The following UNC5D variants were observed in gnomAD, a reference collection of about 807,000 sequenced individuals.
UNC5D encodes unc-5 netrin receptor D.
UNC5D carries 39 observed loss-of-function variants against 105.4 expected under a neutral mutation model. The observed-to-expected ratio is 0.37, with a 90% CI of 0.29 to 0.48. UNC5D has a LOEUF of 0.48. Among genes scored for constraint, UNC5D ranks in the 20% least tolerant of loss-of-function variants. The pLI, the probability that UNC5D is intolerant of heterozygous loss-of-function variation, is 0.98. For missense variants in UNC5D, 991 were observed against 1,202.4 expected (o/e 0.82, Z 2.60); for synonymous variants, 452 against 450.4 (o/e 1.00, Z -0.04).
At chr8:35,426,899 A>G (rs1806291243) in intron 1 of UNC5D, among the ~76,000 whole-genome samples, 1 of 152,188 alleles carries the variant, frequency 6.6e-6, no homozygotes, top group Admixed American at 6.5e-5. Context: ...CATTTACCAA[A>G]TTAAAAGCAC....
chr8:35,548,296 G>A (rs1345995784), intron 1 of UNC5D, among the ~76,000 whole-genome samples: 1 of 152,128 alleles, frequency 6.6e-6, no homozygotes, highest in East Asian at 1.9e-4. Flanking sequence ...GACTGGTTTG[G>A]TCTCAATGGG....
intron 1 of UNC5D, among the ~76,000 whole-genome samples, chr8:35,340,112 G>T (rs2128901164): frequency 6.6e-6 from 1 of 152,284 alleles, no homozygotes; most frequent in East Asian, 1.9e-4. Context: ...AACAAAAATG[G>T]AGTTAGTTAT....
At chr8:35,238,495 A>G (rs1802607757) in intron 1 of UNC5D, among the ~76,000 whole-genome samples, 1 of 152,196 alleles carries the variant, frequency 6.6e-6, no homozygotes, top group African/African-American at 2.4e-5. Flanking sequence ...GTATATTTTT[A>G]CACTTTCCAA....
At chr8:35,518,379 A>C (rs1003234398) in intron 1 of UNC5D, among the ~76,000 whole-genome samples, 1 of 152,066 alleles carries the variant, frequency 6.6e-6, no homozygotes, top group Admixed American at 6.6e-5. Context: ...TACATATTGC[A>C]TTGCTTTATG....
chr8:35,288,993 G>A (rs1488738763), intron 1 of UNC5D, among the ~76,000 whole-genome samples: 2 of 152,078 alleles, frequency 1.3e-5, no homozygotes, highest in African/African-American at 4.8e-5. Flanking sequence ...GACAGTAGCA[G>A]GTTCTTACCT....
At chr8:35,329,631 C>T (rs769590688) in intron 1 of UNC5D, among the ~76,000 whole-genome samples, 3 of 151,836 alleles carry the variant, frequency 2.0e-5, no homozygotes, top group Non-Finnish European at 2.9e-5. Context: ...AGGCCATGAT[C>T]GGGTATGCTA....
chr8:35,485,150 GA>G (rs1810744632), intron 1 of UNC5D, among the ~76,000 whole-genome samples: 2 of 152,156 alleles, frequency 1.3e-5, no homozygotes, highest in Admixed American at 6.5e-5. Flanking sequence ...TTTAGAAGCA[GA>G]ACACAAAGAA....
At chr8:35,414,766 T>TGGTTGTCTTATTCATTCC (rs1261494997) in intron 1 of UNC5D, among the ~76,000 whole-genome samples, 1 of 152,166 alleles carries the variant, frequency 6.6e-6, no homozygotes, top group Non-Finnish European at 1.5e-5. Context: ...TCAGTCACAC[T>TGGTTGTCTTATTCATTCC]GGTTGTCTTA....
intron 1 of UNC5D, among the ~76,000 whole-genome samples, chr8:35,514,919 G>A (rs1813013909): frequency 6.6e-6 from 1 of 152,176 alleles, no homozygotes; most frequent in African/African-American, 2.4e-5. Context: ...TATTTGATGA[G>A]AAGGATTATG....
intron 4 of UNC5D, among the ~76,000 whole-genome samples, chr8:35,646,591 T>C (rs1009186346): frequency 3.3e-5 from 5 of 152,122 alleles, no homozygotes; most frequent in African/African-American, 7.2e-5. Flanking sequence ...ACAGATGATT[T>C]ATAGTACTTA....
chr8:35,437,662 G>T (rs902912232), intron 1 of UNC5D, among the ~76,000 whole-genome samples: 1 of 151,990 alleles, frequency 6.6e-6, no homozygotes, highest in African/African-American at 2.4e-5. Context: ...TTATGGTTTG[G>T]AGTGGTGCTA....
In UNC5D at chr8:35,791,247, T is replaced by A. The variant is rs1383860803; in HGVS notation, c.*684T>A. On this transcript the variant is annotated 3_prime_UTR_variant, in exon 17 of 17. Transcript: ENST00000404895. ...GAGACAAATCTACCCTTATTCTTTC[T>A]TCCTCTTCCTTACCCCTTGCAGTAG... is the stretch of plus-strand genomic sequence containing the variant. The A allele has an allele frequency of 6.5e-6, 1 of 153,468 alleles. No individual in the cohort carries two copies. Among genetic ancestry groups the A allele is most frequent in the Non-Finnish European group, 1.5e-5 (1 of 68,700 alleles). The allele number at this position is 153,468 out of a possible 1,614,324, so 9.5% of individuals were successfully genotyped here.
At chr8:35,403,755 TCTG>T (rs976481163) in intron 1 of UNC5D, among the ~76,000 whole-genome samples, 5 of 152,182 alleles carry the variant, frequency 3.3e-5, no homozygotes, top group African/African-American at 1.2e-4. Context: ...ATAAGAAAAT[TCTG>T]CTGCTAATAT....
At chr8:35,654,328 A>C (rs1486090230) in intron 4 of UNC5D, among the ~76,000 whole-genome samples, 1 of 152,162 alleles carries the variant, frequency 6.6e-6, no homozygotes, top group Non-Finnish European at 1.5e-5. Flanking sequence ...TCCACTTTCA[A>C]CACCAAGAAA....
At chr8:35,257,035 C>T (rs1016987802) in intron 1 of UNC5D, among the ~76,000 whole-genome samples, 3 of 149,476 alleles carry the variant, frequency 2.0e-5, no homozygotes, top group Admixed American at 6.7e-5. Context: ...ACTGCGGCAA[C>T]GTCTCGGCTC....
chr8:35,656,447 C>T (rs1037664667), intron 4 of UNC5D, among the ~76,000 whole-genome samples: 2 of 152,172 alleles, frequency 1.3e-5, no homozygotes, highest in Non-Finnish European at 2.9e-5. Flanking sequence ...CACTTGAATT[C>T]TGTAGATTAA....
chr8:35,758,587 C>T (rs1830618892), intron 13 of UNC5D, among the ~76,000 whole-genome samples: 1 of 152,120 alleles, frequency 6.6e-6, no homozygotes, highest in Non-Finnish European at 1.5e-5. Context: ...CAATATGATT[C>T]TAATGCCACA....
chr8:35,364,575 G>C lies in UNC5D; in HGVS notation c.103+128688G>C, dbSNP rs188605300. Among the ~76,000 whole-genome samples the C allele has an allele frequency of 2.1e-3, 315 of 152,244 alleles. 3 individuals are homozygous for C. The highest frequency in any genetic ancestry group is 7.2e-3 in the African/African-American group (298 of 41,554). On this transcript the variant is annotated intron_variant, in intron 1 of 16. Coordinates refer to ENST00000404895, the MANE Select transcript of UNC5D (RefSeq NM_080872.4). ...AAACCATGGTTGGGGAGTAAGGCAT[G>C]TTATTGTTATTGGAGTACCATTGGT...
Position 35,482,668 on chromosome 8 carries a change from A to G in UNC5D, c.104-66624A>G, listed in dbSNP as rs144883552. 3.6e-3 allele frequency among the ~76,000 whole-genome samples: 545 copies of G among 152,286 alleles called. 8 individuals are homozygous for G. Among genetic ancestry groups the G allele is most frequent in the African/African-American group, 0.012 (519 of 41,560 alleles). On this transcript the variant is annotated intron_variant, in intron 1 of 16. Transcript: ENST00000404895. ...TAGATTCAATAATAGGTTCTAGGAA[A>G]CAGACACAGATGCTGACCTCATGAA...
Sources: allele counts gnomAD v4.1 joint callset (sites outside exome capture counted in the v4.1 genomes callset), GRCh38; gene constraint gnomAD v4.1.1; transcripts MANE v1.5; gene names NCBI Gene and HGNC (gene_info 2026-07-23, HGNC 2026-07-21).